Variants in LRIG1 observed in about 807,000 individuals in gnomAD.
LRIG1 encodes leucine-rich repeats and immunoglobulin-like domains protein 1.
LRIG1 carries 48 observed loss-of-function variants against 99.2 expected under a neutral mutation model. The ratio of observed to expected loss-of-function variants is 0.48; its 90% CI spans 0.38 to 0.62. The LOEUF (loss-of-function observed/expected upper bound fraction) is 0.62, where lower values mean the gene tolerates loss of function less well. Ranked by LOEUF, LRIG1 falls within the 20% of genes least tolerant of loss-of-function variation. The pLI, the probability that LRIG1 is intolerant of heterozygous loss-of-function variation, is 0.00. For missense variants in LRIG1, 1,646 were observed against 1,434.4 expected (o/e 1.15, Z -2.38); for synonymous variants, 772 against 596.1 (o/e 1.29, Z -4.30).
intron 1 of LRIG1, among the ~76,000 whole-genome samples, chr3:66,476,340 A>G (rs1013172687): frequency 1.3e-5 from 2 of 151,470 alleles, no homozygotes; most frequent in African/African-American, 2.4e-5. Flanking sequence ...ATTCTCTCCA[A>G]CTCCTTAATC....
Position 66,379,449 on chromosome 3 carries a change from C to G in LRIG1, c.*814G>C, listed in dbSNP as rs761978647. On this transcript the variant is annotated 3_prime_UTR_variant, in exon 19 of 19. Coordinates refer to ENST00000273261, the MANE Select transcript of LRIG1 (RefSeq NM_015541.3). ...AGCCTTTACCTTAATTTAAAAGTCT[C>G]AAATAGCAATCGAATGATACTGAGA... 1.3e-5 allele frequency: 2 copies of G among 152,102 alleles called. No homozygotes were observed. Among genetic ancestry groups the G allele is most frequent in the Non-Finnish European group, 2.9e-5 (2 of 68,032 alleles). 9.4% of individuals were successfully genotyped at this position (152,102 alleles called of 1,614,324 possible).
At chr3:66,460,426 T>C (rs566596012) in intron 2 of LRIG1, among the ~76,000 whole-genome samples, 1 of 152,194 alleles carries the variant, frequency 6.6e-6, no homozygotes, top group Non-Finnish European at 1.5e-5. Flanking sequence ...AGGGTCCATA[T>C]GCTGAAGCTC....
Position 66,383,228 on chromosome 3 carries a change from C to G in LRIG1, c.2245G>C (p.Val749Leu), listed in dbSNP as rs935031252. 6.2e-7 allele frequency: 1 copy of G among 1,614,228 alleles called. No homozygotes were observed. Among genetic ancestry groups the G allele is most frequent in the Non-Finnish European group, 8.5e-7 (1 of 1,180,048 alleles). The change falls in exon 15 of 19, where the codon GTG (valine) becomes CTG (leucine). Residue 749 changes from valine to leucine, a missense_variant. Coordinates refer to ENST00000273261, the MANE Select transcript of LRIG1 (RefSeq NM_015541.3). Reference protein sequence around the residue: ...HHLTPDNQLLVVQNVVAEDAG... With the variant: ...HHLTPDNQLLLVQNVVAEDAG... Reference sequence around the variant, plus strand: ...TCCTCTGCCACCACGTTCTGAACCACCAGGAGCTGGTTGTCAGGGGTCAAG... The same window carrying G: ...TCCTCTGCCACCACGTTCTGAACCAGCAGGAGCTGGTTGTCAGGGGTCAAG...
At chr3:66,458,227 G>A (rs1047942322) in intron 2 of LRIG1, among the ~76,000 whole-genome samples, 8 of 152,212 alleles carry the variant, frequency 5.3e-5, no homozygotes, top group Admixed American at 2.6e-4. Flanking sequence ...GCGATCTTGA[G>A]GCCTCAGCCT....
chr3:66,396,521 C>A (rs1701856856), intron 11 of LRIG1, among the ~76,000 whole-genome samples: 1 of 152,242 alleles, frequency 6.6e-6, no homozygotes, highest in Non-Finnish European at 1.5e-5. Context: ...TTAACCATTT[C>A]TCTCATCTGA....
chr3:66,459,367 T>C (rs994671449), intron 2 of LRIG1, among the ~76,000 whole-genome samples: 2 of 152,194 alleles, frequency 1.3e-5, no homozygotes, highest in African/African-American at 4.8e-5. Flanking sequence ...CTGCCCCTGA[T>C]AGATAGGGGT....
chr3:66,384,829 C>G (rs1326562277), intron 13 of LRIG1, among the ~76,000 whole-genome samples: 2 of 152,170 alleles, frequency 1.3e-5, no homozygotes, highest in African/African-American at 2.4e-5. Flanking sequence ...GCCTAAAGAT[C>G]GATGTCCTGA....
intron 1 of LRIG1, among the ~76,000 whole-genome samples, chr3:66,474,344 G>A (rs1019158798): frequency 6.7e-6 from 1 of 148,204 alleles, no homozygotes; most frequent in East Asian, 2.0e-4. Context: ...GTCCATCTAC[G>A]TTCTTTTTTT....
At chr3:66,464,808 T>C (rs1197100331) in intron 1 of LRIG1, among the ~76,000 whole-genome samples, 1 of 152,176 alleles carries the variant, frequency 6.6e-6, no homozygotes, top group East Asian at 1.9e-4. Flanking sequence ...ACAACACCCT[T>C]GGGTTTGTCT....
Position 66,380,572 on chromosome 3 carries a change from G to C in LRIG1, c.3055+5C>G, listed in dbSNP as rs946581069. The C allele has an allele frequency of 1.9e-6, 3 of 1,613,286 alleles. No individual in the cohort carries two copies. The highest frequency in any genetic ancestry group is 2.7e-5 in the African/African-American group (2 of 74,918). ...CCCACCTGTTAGAAGACAGTCAAAA[G>C]TTACCTTTCCCATCTAGAGATGCCA... On this transcript the variant is annotated splice_donor_5th_base_variant and intron_variant, in intron 18 of 18. Coordinates refer to ENST00000273261, the MANE Select transcript of LRIG1 (RefSeq NM_015541.3).
At chr3:66,458,785 G>A (rs1324178056) in intron 2 of LRIG1, among the ~76,000 whole-genome samples, 3 of 152,068 alleles carry the variant, frequency 2.0e-5, no homozygotes, top group Non-Finnish European at 4.4e-5. Context: ...GGGAGGCCAA[G>A]GCGGGTGGAT....
chr3:66,469,245 G>T (rs1700544185), intron 1 of LRIG1: 1 of 152,112 alleles, frequency 6.6e-6, no homozygotes, highest in Admixed American at 6.5e-5. Flanking sequence ...AAATCACTCA[G>T]ATCTCAACAT....
At chr3:66,407,674 G>A (rs1288477879) in intron 7 of LRIG1, among the ~76,000 whole-genome samples, 183 bp from the exon 8 acceptor site, 1 of 152,234 alleles carries the variant, frequency 6.6e-6, no homozygotes, top group African/African-American at 2.4e-5. Flanking sequence ...TGGCCATGCA[G>A]CTAGAAACTC....
At chr3:66,418,537 C>T (rs778271739) in intron 3 of LRIG1, among the ~76,000 whole-genome samples, 87 of 152,188 alleles carry the variant, frequency 5.7e-4, no homozygotes, top group Middle Eastern at 6.3e-3. Flanking sequence ...AGAGTCAAAC[C>T]ACTGCAGCCC....
intron 17 of LRIG1, 61 bp from the exon 18 acceptor site, chr3:66,380,922 A>T: frequency 2.6e-6 from 4 of 1,553,092 alleles, no homozygotes; most frequent in Non-Finnish European, 3.5e-6. Flanking sequence ...GTCCCCACAC[A>T]GAGGACAGGC....
chr3:66,432,823 C>A (rs78456180), intron 3 of LRIG1, among the ~76,000 whole-genome samples: 3,537 of 152,286 alleles, frequency 0.023, 66 homozygotes, highest in Middle Eastern at 0.12. Context: ...TAACCCTACA[C>A]TGGGGCCACA....
intron 3 of LRIG1, among the ~76,000 whole-genome samples, chr3:66,444,448 A>G (rs978901453): frequency 1.3e-5 from 2 of 152,132 alleles, no homozygotes; most frequent in African/African-American, 4.8e-5. Flanking sequence ...GCCTGCCACC[A>G]CACTGGTGAC....
chr3:66,433,826 C>T (rs1052479274), intron 3 of LRIG1, among the ~76,000 whole-genome samples: 3 of 152,216 alleles, frequency 2.0e-5, no homozygotes, highest in African/African-American at 7.2e-5. Flanking sequence ...TCTCTGTACC[C>T]CAGAACCATC....
chr3:66,410,509 A>G (rs1702431248), intron 6 of LRIG1, among the ~76,000 whole-genome samples: 1 of 152,234 alleles, frequency 6.6e-6, no homozygotes, highest in Admixed American at 6.5e-5. Context: ...TTCATAGGGC[A>G]AGAGGGAGCT....
Sources: gnomAD v4.1 joint callset for allele counts (sites outside exome capture counted in the v4.1 genomes callset) on GRCh38, gnomAD v4.1.1 for gene constraint, MANE v1.5 for transcripts, NCBI Gene and HGNC (gene_info 2026-07-23, HGNC 2026-07-21) for gene names.